The following CACNA1B variants were observed in gnomAD, a reference collection of about 807,000 sequenced individuals.
CACNA1B encodes voltage-dependent N-type calcium channel subunit alpha-1B.
Under a neutral mutation model 247.2 loss-of-function variants are expected in CACNA1B, and 70 were observed. That is an observed-to-expected ratio of 0.28 (90% CI 0.23 to 0.35). CACNA1B has a LOEUF of 0.35. Ranked by LOEUF, CACNA1B falls within the 10% of genes least tolerant of loss-of-function variation. CACNA1B has a pLI of 1.00. For missense variants in CACNA1B, 2,367 were observed against 3,197.4 expected, an observed-to-expected ratio of 0.74 and a Z score of 6.26; for synonymous variants, 1,231 against 1,294.4, an observed-to-expected ratio of 0.95 and a Z score of 1.05.
intron 15 of CACNA1B, among the ~76,000 whole-genome samples, chr9:137,987,488 C>T (rs1486289883): frequency 1.3e-5 from 2 of 152,188 alleles, no homozygotes; most frequent in Non-Finnish European, 2.9e-5. Flanking sequence ...CATTCCTGTC[C>T]CATGAAACAT....
Position 137,913,371 on chromosome 9 carries a change from C to T in CACNA1B, c.622+100C>T. 2.2e-6 allele frequency: 2 copies of T among 925,362 alleles called. No homozygotes were observed. The highest frequency in any genetic ancestry group is 3.1e-5 in the South Asian group (2 of 64,234). The allele number at this position is 925,362 out of a possible 1,614,324, so 57.3% of individuals were successfully genotyped here. A position where few individuals can be genotyped will look rare whatever the true frequency, so the allele number is the denominator to read the frequency against. On this transcript the variant is annotated intron_variant, in intron 4 of 46. Transcript: ENST00000371372. This position sits in a 1 kb window ranked among gnomAD's most constrained non-coding sequence, Gnocchi z 5.2. ...CATGGCCATGGTTTGGCTTTGGTGA[C>T]TCTGAGCTTGCCACTTTTGACCCCA...
chr9:138,005,296 A>C (rs1342225291), intron 15 of CACNA1B, among the ~76,000 whole-genome samples: 1 of 152,240 alleles, frequency 6.6e-6, no homozygotes, highest in Non-Finnish European at 1.5e-5. Context: ...AAAAGAATGA[A>C]ATCCTGTCAT....
rs73668497 is a variant in CACNA1B, at chr9:137,891,545, C to G, written c.530+8662C>G. Reference sequence around the variant, plus strand: ...TGTGCAGATGCACCCACAGAGGTCACAGGGGTTCAAGTTCATACCCCGGGA... The same window carrying G: ...TGTGCAGATGCACCCACAGAGGTCAGAGGGGTTCAAGTTCATACCCCGGGA... On this transcript the variant is annotated intron_variant, in intron 3 of 46. Transcript: ENST00000371372. The surrounding 1 kb of genome is among the most constrained non-coding windows in gnomAD (Gnocchi z 4.3). 6.2e-3 allele frequency: 1,145 copies of G among 183,882 alleles called. 18 individuals carry two copies. The highest frequency in any genetic ancestry group is 0.025 in the African/African-American group (1,041 of 41,960). The allele number at this position is 183,882 out of a possible 1,614,324, so 11.4% of individuals were successfully genotyped here.
intron 6 of CACNA1B, among the ~76,000 whole-genome samples, chr9:137,932,059 C>T (rs7868607): frequency 1.3e-5 from 2 of 151,916 alleles, no homozygotes; most frequent in Admixed American, 1.3e-4. Flanking sequence ...CATAAGCCAC[C>T]TTTTTAAGCA....
chr9:138,067,784 G>A (rs1019365271), intron 31 of CACNA1B, among the ~76,000 whole-genome samples: 4 of 152,222 alleles, frequency 2.6e-5, no homozygotes, highest in Non-Finnish European at 5.9e-5. Context: ...CCCCTCGAAA[G>A]TTGGACATGT....
intron 12 of CACNA1B, among the ~76,000 whole-genome samples, chr9:137,978,435 G>A (rs775684507): frequency 6.8e-6 from 1 of 146,546 alleles, no homozygotes; most frequent in Non-Finnish European, 1.5e-5. Context: ...TGGGAGCACT[G>A]CCCCCCCGAG....
rs139284357 is a variant in CACNA1B at position 138,063,313 on chromosome 9, C to T, written c.4668+3576C>T. On this transcript the variant is annotated intron_variant, in intron 31 of 46. Transcript: ENST00000371372. ...TTGGAGACTAGCCTAGGCAAGACGG[C>T]GAGACCCTGTCTCTGTAAAAAATTT... 2.8e-4 allele frequency among the ~76,000 whole-genome samples: 43 copies of T among 152,218 alleles called. 1 individual carries two copies. Among genetic ancestry groups the T allele is most frequent in the African/African-American group, 9.4e-4 (39 of 41,544 alleles).
intron 18 of CACNA1B, among the ~76,000 whole-genome samples, chr9:138,021,286 A>C (rs1188032110): frequency 6.6e-6 from 1 of 152,194 alleles, no homozygotes. Flanking sequence ...GGGGGTCTGC[A>C]GACGGCCCCT....
At chr9:138,041,269 C>A (rs1366620434) in intron 20 of CACNA1B, among the ~76,000 whole-genome samples, 1 of 152,126 alleles carries the variant, frequency 6.6e-6, no homozygotes, top group Non-Finnish European at 1.5e-5. Context: ...CTGGAAAGAG[C>A]GGTTCCTCAG....
At position 138,120,695 on chromosome 9, in the gene CACNA1B, A is replaced by G. The variant is rs1431646990; in HGVS notation, c.6303A>G (p.Glu2101=). The G allele has an allele frequency of 6.6e-7, 1 of 1,517,930 alleles. No individual in the cohort carries two copies. The highest frequency in any genetic ancestry group is 2.5e-5 in the Admixed American group (1 of 39,652). The allele number at this position is 1,517,930 out of a possible 1,614,324, so 94.0% of individuals were successfully genotyped here. The part of the protein sequence containing the change: ...PGEGPTGCRR[E]RERRQERGRS... The stretch of plus-strand genomic sequence containing the variant: ...AGGGGCCTACAGGCTGCCGGCGGGA[A>G]CGAGAGCGCCGGCAGGAGCGGGGCC... The change falls in exon 46 of 47, where the codon GAA becomes GAG. Residue 2101 remains glutamate, a synonymous_variant. Transcript: ENST00000371372.
chr9:138,115,040 C>T (rs1205224819), intron 41 of CACNA1B, among the ~76,000 whole-genome samples: 1 of 152,106 alleles, frequency 6.6e-6, no homozygotes, highest in Non-Finnish European at 1.5e-5. Flanking sequence ...GGACATTGAC[C>T]TAGTCCTCAG....
chr9:138,047,109 C>A, intron 22 of CACNA1B, 76 bp downstream of exon 22: 1 of 1,411,730 alleles, frequency 7.1e-7, no homozygotes, highest in South Asian at 1.3e-5. Flanking sequence ...GCCCAAGGGG[C>A]TGGGGTGGGG....
chr9:137,915,782 G>C (rs1202318450), intron 5 of CACNA1B, among the ~76,000 whole-genome samples: 1 of 150,752 alleles, frequency 6.6e-6, no homozygotes, highest in African/African-American at 2.4e-5. Context: ...CGTAGCATTT[G>C]TAGTCATGGC....
chr9:138,116,538 A>G (rs1385525591), intron 42 of CACNA1B, among the ~76,000 whole-genome samples: 1 of 152,140 alleles, frequency 6.6e-6, no homozygotes, highest in Admixed American at 6.5e-5. Flanking sequence ...TTCTGACTGT[A>G]TGTGCAGGTG....
intron 39 of CACNA1B, among the ~76,000 whole-genome samples, chr9:138,107,474 C>T (rs1285271241): frequency 2.0e-5 from 3 of 151,906 alleles, no homozygotes; most frequent in Non-Finnish European, 4.4e-5. Context: ...ATCCTTTTCT[C>T]CTCCTTCCTT....
At chr9:138,105,083 A>G (rs1358643235) in intron 38 of CACNA1B, among the ~76,000 whole-genome samples, 1 of 152,258 alleles carries the variant, frequency 6.6e-6, no homozygotes, top group Non-Finnish European at 1.5e-5. Flanking sequence ...TTCCAGCAGC[A>G]GGAGCTGCCT....
At chr9:138,077,373 C>G (rs1159417047) in intron 35 of CACNA1B, among the ~76,000 whole-genome samples, 2 of 152,138 alleles carry the variant, frequency 1.3e-5, no homozygotes, top group African/African-American at 4.8e-5. Flanking sequence ...TGTTCAAGGA[C>G]CAGCAGAGGC....
chr9:137,998,588 CAA>C (rs1189038482), intron 15 of CACNA1B, among the ~76,000 whole-genome samples: 1 of 151,994 alleles, frequency 6.6e-6, no homozygotes, highest in Non-Finnish European at 1.5e-5. Flanking sequence ...TCTCAAAAAA[CAA>C]AACAAAACAA....
At chr9:138,067,608 AGAATCGCTT>A (rs930855639) in intron 31 of CACNA1B, among the ~76,000 whole-genome samples, 1 of 152,268 alleles carries the variant, frequency 6.6e-6, no homozygotes, top group Non-Finnish European at 1.5e-5. Flanking sequence ...CTGAGGCACA[AGAATCGCTT>A]GAACCCAGGA....
Sources: allele counts gnomAD v4.1 joint callset (sites outside exome capture counted in the v4.1 genomes callset), GRCh38; gene constraint gnomAD v4.1.1; non-coding constraint Gnocchi (gnomAD v3.1); transcripts MANE v1.5; gene names NCBI Gene and HGNC (gene_info 2026-07-23, HGNC 2026-07-21).